The following INPP5B variants were observed in gnomAD, a reference collection of about 807,000 sequenced individuals.
INPP5B encodes inositol polyphosphate-5-phosphatase B.
In INPP5B, 90 loss-of-function variants were observed where a neutral mutation model predicts 118.5. That is an observed-to-expected ratio of 0.76 (90% CI 0.64 to 0.90). The LOEUF (loss-of-function observed/expected upper bound fraction) is 0.90, where lower values mean the gene tolerates loss of function less well. Among genes scored for constraint, INPP5B ranks in the 40% least tolerant of loss-of-function variants. The pLI is 0.00. For synonymous variants in INPP5B, 385 were observed against 418.9 expected (o/e 0.92, Z 0.99); for missense variants, 984 against 1,125.6 (o/e 0.87, Z 1.80).
chr1:37,870,655 G>A (rs561103692), intron 19 of INPP5B: 5 of 152,528 alleles, frequency 3.3e-5, no homozygotes, highest in African/African-American at 1.2e-4. Context: ...TATGAATCAG[G>A]AGGTAGGCCC....
intron 7 of INPP5B, among the ~76,000 whole-genome samples, chr1:37,894,999 G>C (rs1557661119): frequency 6.6e-6 from 1 of 152,184 alleles, no homozygotes; most frequent in Non-Finnish European, 1.5e-5. Context: ...CTAACCCATA[G>C]TTACTTAATA....
intron 7 of INPP5B, among the ~76,000 whole-genome samples, chr1:37,927,279 A>C (rs1645265046): frequency 6.6e-6 from 1 of 152,154 alleles, no homozygotes. Flanking sequence ...CTGGTGACAC[A>C]GCAAGACTCC....
intron 7 of INPP5B, among the ~76,000 whole-genome samples, chr1:37,895,998 T>A (rs1401207394): frequency 6.6e-6 from 1 of 150,846 alleles, no homozygotes; most frequent in Admixed American, 6.6e-5. Flanking sequence ...GAGGAGCCCC[T>A]CTGCCTGGCT....
At chr1:37,929,242 C>T (rs543355246) in intron 7 of INPP5B, 1 of 152,176 alleles carries the variant, frequency 6.6e-6, no homozygotes, top group East Asian at 1.9e-4. Context: ...ACCTCAGCTT[C>T]CCAAGTACCT....
At chr1:37,913,346 T>TAA (rs71278741) in intron 7 of INPP5B, among the ~76,000 whole-genome samples, 35,235 of 151,910 alleles carry the variant, frequency 0.23, 4,560 homozygotes, top group East Asian at 0.29. Context: ...TATGACAACA[T>TAA]AAAAAAACTC....
At chr1:37,931,681 T>C (rs947615759) in intron 7 of INPP5B, 28 of 1,525,574 alleles carry the variant, frequency 1.8e-5, no homozygotes, top group African/African-American at 8.2e-5. Context: ...ACCTGCAGTG[T>C]TGCGCTCCCG....
chr1:37,931,052 C>T, intron 7 of INPP5B: 1 of 157,470 alleles, frequency 6.4e-6, no homozygotes, highest in Non-Finnish European at 1.4e-5. Flanking sequence ...CTCCCATCTC[C>T]AAACGACAAG....
At chr1:37,906,502 C>G (rs757060538) in intron 7 of INPP5B, among the ~76,000 whole-genome samples, 2 of 152,022 alleles carry the variant, frequency 1.3e-5, no homozygotes, top group African/African-American at 2.4e-5. Flanking sequence ...ATCGGTCTTA[C>G]CATGATTTGT....
intron 7 of INPP5B, among the ~76,000 whole-genome samples, chr1:37,925,217 A>C (rs1645185517): frequency 6.6e-6 from 1 of 151,880 alleles, no homozygotes; most frequent in African/African-American, 2.4e-5. Flanking sequence ...TAAAAACAAA[A>C]AGAGAAAGTA....
At chr1:37,877,440 T>C (rs1207709848) in intron 16 of INPP5B, among the ~76,000 whole-genome samples, 2 of 152,084 alleles carry the variant, frequency 1.3e-5, no homozygotes, top group Admixed American at 1.3e-4. Context: ...CTTATTGGGT[T>C]GGCAAAAATT....
chr1:37,868,395 G>A, intron 20 of INPP5B, 106 bp downstream of exon 20: 1 of 713,526 alleles, frequency 1.4e-6, no homozygotes, highest in South Asian at 1.5e-5. Context: ...CCCTCCCTGG[G>A]TGAAGAACAG....
chr1:37,863,022 C>T (rs1641790856), intron 23 of INPP5B, among the ~76,000 whole-genome samples: 1 of 152,114 alleles, frequency 6.6e-6, no homozygotes, highest in South Asian at 2.1e-4. Context: ...ACCCCGTGTC[C>T]CCAGTGGGGG....
rs143820864 is a variant in INPP5B, at chr1:37,931,958, T to TA, written c.486dup (p.Asn163Ter). The TA allele has an allele frequency of 2.4e-3, 3,793 of 1,614,038 alleles. 8 individuals are homozygous for TA. The highest frequency in any genetic ancestry group is 2.7e-3 in the Non-Finnish European group (3,223 of 1,179,998). ...CCTGGCCAGGTAACTAGGGCCGAGT[T>TA]ACAACCGCGCGGCGTTGGCATCTCC... On this transcript the variant is annotated frameshift_variant, in exon 7 of 24. Coordinates refer to ENST00000373024, the MANE Select transcript of INPP5B (RefSeq NM_005540.3). LOFTEE classifies it high-confidence loss of function.
At chr1:37,890,066 G>C (rs1160008170) in intron 8 of INPP5B, among the ~76,000 whole-genome samples, 3 of 152,136 alleles carry the variant, frequency 2.0e-5, no homozygotes, top group Non-Finnish European at 4.4e-5. Context: ...TGGTGGCAGA[G>C]TATGGGATTC....
chr1:37,886,813 CTG>C, intron 12 of INPP5B, 73 bp downstream of exon 12: 1 of 1,006,246 alleles, frequency 9.9e-7, no homozygotes, highest in Non-Finnish European at 1.6e-6. Flanking sequence ...CGTGTAGTCA[CTG>C]TGTCATCAGA....
chr1:37,937,768 A>AAAAAT lies in INPP5B; in HGVS notation c.391+2915_391+2919dup, dbSNP rs553688886. Among the ~76,000 whole-genome samples, 478 of 151,738 alleles carry AAAAAT rather than the reference A, an allele frequency of 3.2e-3. 1 individual carries two copies. The highest frequency in any genetic ancestry group is 9.6e-3 in the African/African-American group (395 of 41,310). On this transcript the variant is annotated intron_variant, in intron 6 of 23. Coordinates refer to ENST00000373024, the MANE Select transcript of INPP5B (RefSeq NM_005540.3). ...GGCGACAGAGCCAGACTTTGTCTCA[A>AAAAAT]AAAATAAAATAAAATAAAATAAAAT...
At chr1:37,940,548 G>T in intron 6 of INPP5B, 140 bp downstream of exon 6, 1 of 595,716 alleles carries the variant, frequency 1.7e-6, no homozygotes, top group South Asian at 2.0e-5. Flanking sequence ...CAGCCTGGGG[G>T]CACTATGGCT....
At chr1:37,880,923 A>C (rs988643513) in intron 14 of INPP5B, among the ~76,000 whole-genome samples, 1 of 152,102 alleles carries the variant, frequency 6.6e-6, no homozygotes, top group Admixed American at 6.5e-5. Context: ...GGGTCTCACT[A>C]TATTGCCTAG....
In INPP5B at chr1:37,873,139, G is replaced by A. The variant is rs1018060732; in HGVS notation, c.1978C>T (p.Leu660Phe). ...PDSDVEIDLELFVNKMTATKL... is the reference protein window; with the variant it reads ...PDSDVEIDLEFFVNKMTATKL... Reference sequence around the variant, plus strand: ...GTAGCTGTCATCTTATTTACGAAGAGCTCCAAGTCAATCTCAACATCAGAA... The same window carrying A: ...GTAGCTGTCATCTTATTTACGAAGAACTCCAAGTCAATCTCAACATCAGAA... Residue 660 changes from leucine (L) to phenylalanine (F), a missense_variant, in exon 19 of 24, where the codon CTC becomes TTC. By Grantham distance (22) the Leu-to-Phe change is conservative. Transcript: ENST00000373024. 2 of 1,613,486 alleles carry A rather than the reference G, an allele frequency of 1.2e-6. No homozygotes were observed. The highest frequency in any genetic ancestry group is 2.2e-5 in the East Asian group (1 of 44,888).
Sources: allele counts gnomAD v4.1 joint callset (sites outside exome capture counted in the v4.1 genomes callset), GRCh38; gene constraint gnomAD v4.1.1; transcripts MANE v1.5; gene names NCBI Gene and HGNC (gene_info 2026-07-23, HGNC 2026-07-21).